Variants in CACNA1I observed in about 807,000 individuals in gnomAD.
CACNA1I encodes the protein voltage-dependent T-type calcium channel subunit alpha-1I.
Under a neutral mutation model 201.6 loss-of-function variants are expected in CACNA1I, and 74 were observed. The observed-to-expected ratio is 0.37, with a 90% CI of 0.30 to 0.45. The LOEUF is 0.45. Among genes scored for constraint, CACNA1I ranks in the 20% least tolerant of loss-of-function variants. The pLI, the probability that CACNA1I is intolerant of heterozygous loss-of-function variation, is 1.00. For synonymous variants in CACNA1I, 1,431 were observed against 1,345.2 expected (o/e 1.06, Z -1.40); for missense variants, 2,346 against 3,138.1 (o/e 0.75, Z 6.03).
intron 1 of CACNA1I, among the ~76,000 whole-genome samples, chr22:39,594,272 G>C (rs1932854434): frequency 6.6e-6 from 1 of 152,102 alleles, no homozygotes; most frequent in African/African-American, 2.4e-5. Flanking sequence ...CGGGCTCCTG[G>C]GAGACGCCAC....
intron 1 of CACNA1I, among the ~76,000 whole-genome samples, chr22:39,592,341 T>C (rs1932832382): frequency 6.6e-6 from 1 of 152,174 alleles, no homozygotes; most frequent in African/African-American, 2.4e-5. Flanking sequence ...CCGTGTGAGT[T>C]TGAAAAATCG....
chr22:39,666,054 TG>T lies in CACNA1I; in HGVS notation c.4104+49del, dbSNP rs1935184439. On this transcript the variant is annotated intron_variant, in intron 23 of 36. Coordinates refer to ENST00000402142, the MANE Select transcript of CACNA1I (RefSeq NM_021096.4). The surrounding 1 kb of genome is among the most constrained non-coding windows in gnomAD (Gnocchi z 4.1). ...TGATCAGACCCTCCCCTCTCTTGGATGCCAGTGGCTCTGGGAATCACAGACC... is the reference window on the plus strand; with the variant it reads ...TGATCAGACCCTCCCCTCTCTTGGATCCAGTGGCTCTGGGAATCACAGACC... 2 of 1,583,868 alleles carry T rather than the reference TG, an allele frequency of 1.3e-6. No individual in the cohort carries two copies. Among genetic ancestry groups the T allele is most frequent in the African/African-American group, 2.7e-5 (2 of 74,194 alleles).
chr22:39,645,148 G>A (rs1029659381), intron 7 of CACNA1I, among the ~76,000 whole-genome samples: 35 of 152,042 alleles, frequency 2.3e-4, no homozygotes, highest in African/African-American at 8.2e-4. Context: ...CACCATGCCC[G>A]GCTAATTTTT....
At position 39,661,252 on chromosome 22, in the gene CACNA1I, G is replaced by A. The variant is rs781185219; in HGVS notation, c.2843G>A (p.Gly948Asp). 6 of 1,610,210 alleles carry A rather than the reference G, an allele frequency of 3.7e-6. No homozygotes were observed. The highest frequency in any genetic ancestry group is 1.1e-5 in the South Asian group (1 of 90,656). Residue 948 changes from glycine (G) to aspartate (D), a missense_variant, in exon 16 of 37, where the codon GGC (glycine) becomes GAC (aspartate). Physicochemically the swap from Gly to Asp is moderately conservative, Grantham distance 94. Around this residue, in one of 13 missense-constraint regions of CACNA1I, gnomAD observed 92 missense variants for 114.5 expected, o/e 0.80. Transcript: ENST00000402142. ...CCGGACCCCATGCTGGTGGCCCTGGGCTCCCGAAAGAGCAGTGTCATGTCT... is the reference window on the plus strand; with the variant it reads ...CCGGACCCCATGCTGGTGGCCCTGGACTCCCGAAAGAGCAGTGTCATGTCT... ...LQPDPMLVAL[G>D]SRKSSVMSLG...
At chr22:39,675,166 C>T (rs527766952) in intron 29 of CACNA1I, among the ~76,000 whole-genome samples, 12 of 152,368 alleles carry the variant, frequency 7.9e-5, no homozygotes, top group Non-Finnish European at 1.2e-4. Context: ...CTTAGCTTTT[C>T]GTGCCTCAGT....
At chr22:39,682,687 C>G (rs1455446225) in intron 35 of CACNA1I, 26 bp downstream of exon 35, 1 of 1,597,630 alleles carries the variant, frequency 6.3e-7, no homozygotes, top group Non-Finnish European at 8.5e-7. Flanking sequence ...CCTGCCAGCT[C>G]CCCACAGCCC....
chr22:39,665,013 C>G lies in CACNA1I; in HGVS notation c.3851+90C>G. 4.9e-6 allele frequency: 6 copies of G among 1,213,712 alleles called. No individual in the cohort carries two copies. The highest frequency in any genetic ancestry group is 5.8e-6 in the Non-Finnish European group (5 of 860,076). 75.2% of individuals were successfully genotyped at this position (1,213,712 alleles called of 1,614,324 possible). A position where few individuals can be genotyped will look rare whatever the true frequency, so the allele number is the denominator to read the frequency against. The stretch of plus-strand genomic sequence containing the variant: ...AATTGGGCCCTCACTCCGCCCTCCC[C>G]GCCCGCCCACTCGGTCCTCCAATAG... On this transcript the variant is annotated intron_variant, in intron 21 of 36. Coordinates refer to ENST00000402142, the MANE Select transcript of CACNA1I (RefSeq NM_021096.4). This position sits in a 1 kb window ranked among gnomAD's most constrained non-coding sequence, Gnocchi z 5.5.
Position 39,646,838 on chromosome 22 carries a change from C to T in CACNA1I, c.1419C>T (p.Ala473=), listed in dbSNP as rs1400206040. The part of the protein sequence containing the change: ...RRQALGPEAP[A]PAKPGPHAKE... ...AGGCCCTGGGCCCGGAGGCCCCGGC[C>T]CCCGCCAAACCTGGGCCCCACGCCA... Residue 473 remains alanine, a synonymous_variant, in exon 8 of 37, where the codon GCC becomes GCT. Transcript: ENST00000402142. 18 of 1,531,382 alleles carry T rather than the reference C, an allele frequency of 1.2e-5. No individual in the cohort carries two copies. Among genetic ancestry groups the T allele is most frequent in the Middle Eastern group, 1.9e-4 (1 of 5,334 alleles). 94.9% of individuals were successfully genotyped at this position (1,531,382 alleles called of 1,614,324 possible).
intron 32 of CACNA1I, 38 bp downstream of exon 32, chr22:39,679,483 G>C (rs964794044): frequency 2.5e-5 from 34 of 1,346,284 alleles, no homozygotes; most frequent in Non-Finnish European, 2.9e-5. Flanking sequence ...GTCGCCAGAG[G>C]GGGGGCACCG....
chr22:39,657,833 A>C (rs1055467240), intron 10 of CACNA1I, among the ~76,000 whole-genome samples: 1 of 152,208 alleles, frequency 6.6e-6, no homozygotes, highest in Middle Eastern at 3.2e-3. Context: ...GCTGGCCTCC[A>C]AGCCTCTTTT....
Position 39,685,822 on chromosome 22 carries a change from C to A in CACNA1I, c.6089C>A (p.Thr2030Asn), listed in dbSNP as rs1241926149. The A allele has an allele frequency of 6.7e-7, 1 of 1,496,664 alleles. No homozygotes were observed. The highest frequency in any genetic ancestry group is 1.2e-5 in the South Asian group (1 of 80,876). 92.7% of individuals were successfully genotyped at this position (1,496,664 alleles called of 1,614,324 possible). A position where few individuals can be genotyped will look rare whatever the true frequency, so the allele number is the denominator to read the frequency against. The change falls in exon 37 of 37, where the codon ACC (threonine) becomes AAC (asparagine). Residue 2030 changes from threonine (T) to asparagine (N), a missense_variant. By Grantham distance (65) the Thr-to-Asn change is moderately conservative. Around this residue, in one of 13 missense-constraint regions of CACNA1I, gnomAD observed 441 missense variants for 555.6 expected, o/e 0.79. Coordinates refer to ENST00000402142, the MANE Select transcript of CACNA1I (RefSeq NM_021096.4). The surrounding 1 kb of genome is among the most constrained non-coding windows in gnomAD (Gnocchi z 5.0). ...AGCAGCTCCGCGGGCAGCCTGCAGA[C>A]CACGCTCGAGGACAGCCTGACCCTG... ...SPSSSAGSLQTTLEDSLTLSD... is the reference protein window; with the variant it reads ...SPSSSAGSLQNTLEDSLTLSD...
In CACNA1I at chr22:39,642,802, C is replaced by T. The variant is rs1192501192; in HGVS notation, c.1062C>T (p.Ile354=). The change falls in exon 7 of 37, where the codon ATC becomes ATT. Residue 354 remains isoleucine, a synonymous_variant. Transcript: ENST00000402142. Reference sequence around the variant, plus strand: ...CTCTCCTCTGCGCGCTGCAGGTGATCACTCTGGAAGGCTGGGTGGAGATCA... The same window carrying T: ...CTCTCCTCTGCGCGCTGCAGGTGATTACTCTGGAAGGCTGGGTGGAGATCA... The part of the protein sequence containing the change: ...GYAWIVIFQV[I]TLEGWVEIMY... 1.2e-6 allele frequency: 2 copies of T among 1,608,668 alleles called. No homozygotes were observed. Among genetic ancestry groups the T allele is most frequent in the Non-Finnish European group, 1.7e-6 (2 of 1,177,040 alleles).
At position 39,666,722 on chromosome 22, in the gene CACNA1I, G is replaced by A. The variant is rs750826284; in HGVS notation, c.4104+716G>A. On this transcript the variant is annotated intron_variant, in intron 23 of 36. Coordinates refer to ENST00000402142, the MANE Select transcript of CACNA1I (RefSeq NM_021096.4). This position sits in a 1 kb window ranked among gnomAD's most constrained non-coding sequence, Gnocchi z 4.1. ...AGGGAGGAGCAGGCTCCAGGCCCTC[G>A]TCCCCCACTGGCTGATGGGCAGCCT... 1.6e-4 allele frequency among the ~76,000 whole-genome samples: 25 copies of A among 152,332 alleles called. No homozygotes were observed. Among genetic ancestry groups the A allele is most frequent in the Non-Finnish European group, 2.8e-4 (19 of 68,016 alleles).
At chr22:39,653,724 G>A (rs1396453930) in intron 10 of CACNA1I, among the ~76,000 whole-genome samples, 2 of 152,218 alleles carry the variant, frequency 1.3e-5, no homozygotes, top group African/African-American at 4.8e-5. Context: ...GTGCTTGAAT[G>A]ACAGGTTAGA....
chr22:39,648,296 C>T lies in CACNA1I; in HGVS notation c.1567+370C>T, dbSNP rs907011053. Among the ~76,000 whole-genome samples the T allele has an allele frequency of 2.6e-5, 4 of 152,148 alleles. No homozygotes were observed. Among genetic ancestry groups the T allele is most frequent in the Non-Finnish European group, 2.9e-5 (2 of 68,022 alleles). On this transcript the variant is annotated intron_variant, in intron 9 of 36. Coordinates refer to ENST00000402142, the MANE Select transcript of CACNA1I (RefSeq NM_021096.4). This position sits in a 1 kb window ranked among gnomAD's most constrained non-coding sequence, Gnocchi z 5.4. The stretch of plus-strand genomic sequence containing the variant: ...GTGGCCCGTGGGCAGGCCCGGCATG[C>T]GGACACAGGAGCTGGGGCCGGGCAA...
At chr22:39,674,124 A>C in intron 29 of CACNA1I, 91 bp downstream of exon 29, 1 of 1,233,054 alleles carries the variant, frequency 8.1e-7, no homozygotes, top group Non-Finnish European at 1.2e-6. Context: ...CCTTCTCCTC[A>C]CATCTGCCAG....
intron 4 of CACNA1I, among the ~76,000 whole-genome samples, chr22:39,620,597 A>C (rs1382044024): frequency 6.6e-6 from 1 of 152,224 alleles, no homozygotes; most frequent in East Asian, 1.9e-4. Flanking sequence ...TTACCTGCCC[A>C]GGGACGCACT....
chr22:39,628,755 C>T (rs753593267), intron 4 of CACNA1I, among the ~76,000 whole-genome samples: 49 of 152,132 alleles, frequency 3.2e-4, no homozygotes, highest in Non-Finnish European at 4.1e-4. Context: ...CTCTCCCAGC[C>T]GCCCAGCCCC....
At chr22:39,669,992 T>G in intron 24 of CACNA1I, 46 bp from the exon 25 acceptor site, 1 of 1,607,576 alleles carries the variant, frequency 6.2e-7, no homozygotes, top group Non-Finnish European at 8.5e-7. Flanking sequence ...CCCATGGCCC[T>G]GTAGGGCCCA....
Sources: gnomAD v4.1 joint callset for allele counts (sites outside exome capture counted in the v4.1 genomes callset) on GRCh38, gnomAD v4.1.1 for gene constraint, gnomAD v4.1.1 regional missense constraint, Gnocchi (gnomAD v3.1) non-coding constraint, MANE v1.5 for transcripts, NCBI Gene and HGNC (gene_info 2026-07-23, HGNC 2026-07-21) for gene names.